CYFIP1: variants seen among roughly 807,000 people sequenced by gnomAD.
CYFIP1 encodes the protein cytoplasmic FMR1-interacting protein 1.
In CYFIP1, 58 loss-of-function variants were observed where a neutral mutation model predicts 163.5. That is an observed-to-expected ratio of 0.35 (90% CI 0.29 to 0.44). CYFIP1 has a LOEUF of 0.44. Among genes scored for constraint, CYFIP1 ranks in the 20% least tolerant of loss-of-function variants. The pLI, the probability that CYFIP1 is intolerant of heterozygous loss-of-function variation, is 1.00. For synonymous variants in CYFIP1, 663 were observed against 660.7 expected (o/e 1.00, Z -0.05); for missense variants, 1,338 against 1,653.8 (o/e 0.81, Z 3.31).
chr15:22,874,737 T>A, intron 27 of CYFIP1, 93 bp from the exon 28 acceptor site: 1 of 779,766 alleles, frequency 1.3e-6, no homozygotes, highest in Non-Finnish European at 1.9e-6. Flanking sequence ...AAAAGATTTT[T>A]AAGTTAACAT....
At chr15:22,883,982 A>C (rs2059859673) in intron 23 of CYFIP1, among the ~76,000 whole-genome samples, 1 of 152,144 alleles carries the variant, frequency 6.6e-6, no homozygotes, top group Admixed American at 6.5e-5. Context: ...GCCCCTTATA[A>C]AACCATCAGA....
Position 22,892,913 on chromosome 15 carries a change from G to A in CYFIP1, c.2653C>T (p.Pro885Ser). The change falls in exon 23 of 31, where the codon CCT becomes TCT. Residue 885 changes from proline (P) to serine (S), a missense_variant. Around this residue, in one of 4 missense-constraint regions of CYFIP1, gnomAD observed 824 missense variants for 995.7 expected, o/e 0.83. Coordinates refer to ENST00000617928, the MANE Select transcript of CYFIP1 (RefSeq NM_014608.6). ...ACCTTGGATCCATGCAGATACTGAG[G>A]CTGTGCATTAGGCTGCTTATCTCTT... ...FQRDKQPNAQ[P>S]QYLHGSKALN... 1 of 1,613,128 alleles carries A rather than the reference G, an allele frequency of 6.2e-7. No homozygotes were observed. The highest frequency in any genetic ancestry group is 8.5e-7 in the Non-Finnish European group (1 of 1,179,122).
Position 22,975,681 on chromosome 15 carries a change from C to G in CYFIP1, c.-7+4606G>C, listed in dbSNP as rs180849659. 1.3e-3 allele frequency among the ~76,000 whole-genome samples: 197 copies of G among 152,250 alleles called. 1 individual carries two copies. Among genetic ancestry groups the G allele is most frequent in the African/African-American group, 4.6e-3 (190 of 41,550 alleles). On this transcript the variant is annotated intron_variant, in intron 1 of 30. Coordinates refer to ENST00000617928, the MANE Select transcript of CYFIP1 (RefSeq NM_014608.6). ...GGCTGAGGCAGGAGAATGGCTTAAA[C>G]CCAGGAGGCAGAGGTTGCAGTGTGC... is the stretch of plus-strand genomic sequence containing the variant.
At chr15:22,883,150 T>A in intron 23 of CYFIP1, 139 bp from the exon 24 acceptor site, 2 of 936,888 alleles carry the variant, frequency 2.1e-6, no homozygotes, top group Non-Finnish European at 3.1e-6. Context: ...CTACTGCCCT[T>A]AACTGGTACA....
In CYFIP1 at chr15:22,867,262, C is replaced by T. The variant is rs1043911444; in HGVS notation, c.*2766G>A. 3.2e-5 allele frequency: 13 copies of T among 400,294 alleles called. No homozygotes were observed. Among genetic ancestry groups the T allele is most frequent in the African/African-American group, 1.6e-4 (8 of 48,594 alleles). 24.8% of individuals were successfully genotyped at this position (400,294 alleles called of 1,614,324 possible). A position where few individuals can be genotyped will look rare whatever the true frequency, so the allele number is the denominator to read the frequency against. ...TTAAAAAAACAGAGTTATCCCAATA[C>T]ATTATCCTGTGATTTACCTTACCTA... is the stretch of plus-strand genomic sequence containing the variant. On this transcript the variant is annotated 3_prime_UTR_variant, in exon 31 of 31. Transcript: ENST00000617928.
chr15:22,873,722 G>A lies in CYFIP1; in HGVS notation c.3218C>T (p.Ala1073Val). 1 of 1,610,846 alleles carries A rather than the reference G, an allele frequency of 6.2e-7. No homozygotes were observed. Among genetic ancestry groups the A allele is most frequent in the Non-Finnish European group, 8.5e-7 (1 of 1,177,616 alleles). The change falls in exon 29 of 31, where the codon GCC becomes GTC. Residue 1073 changes from alanine to valine, a missense_variant. Transcript: ENST00000617928. Reference sequence around the variant, plus strand: ...CAGCAGGTCCCCCTCTCTTGCGATGGCAATTTGCTGCAGAAAGGACAAGCC... The same window carrying A: ...CAGCAGGTCCCCCTCTCTTGCGATGACAATTTGCTGCAGAAAGGACAAGCC... ...IERLGTPQQI[A>V]IAREGDLLTK...
intron 1 of CYFIP1, among the ~76,000 whole-genome samples, chr15:22,973,822 A>C (rs1376776233): frequency 6.6e-6 from 1 of 152,264 alleles, no homozygotes; most frequent in Non-Finnish European, 1.5e-5. Flanking sequence ...TAAGGGATTA[A>C]TAATGAAAAT....
At position 22,980,344 on chromosome 15, in the gene CYFIP1, TGAG is replaced by T. The variant is rs2063444811; in HGVS notation, c.-67_-65del. 3 of 151,040 alleles carry T rather than the reference TGAG, an allele frequency of 2.0e-5. No homozygotes were observed. The highest frequency in any genetic ancestry group is 7.3e-5 in the African/African-American group (3 of 41,058). The allele number at this position is 151,040 out of a possible 1,614,324, so 9.4% of individuals were successfully genotyped here. The stretch of plus-strand genomic sequence containing the variant: ...GGCCCTGGGAGTTTCCTTGGCCGAG[TGAG>T]TCACTCGGGCTGGCCGGGAATGCGC... On this transcript the variant is annotated 5_prime_UTR_variant, in exon 1 of 31. Transcript: ENST00000617928.
At chr15:22,958,982 A>G (rs1012080727) in intron 1 of CYFIP1, among the ~76,000 whole-genome samples, 2 of 152,198 alleles carry the variant, frequency 1.3e-5, no homozygotes, top group African/African-American at 4.8e-5. Flanking sequence ...TCCATCTCCC[A>G]CACCCCTGGG....
chr15:22,959,431 T>C (rs1474966135), intron 1 of CYFIP1, among the ~76,000 whole-genome samples: 2 of 152,204 alleles, frequency 1.3e-5, no homozygotes, highest in African/African-American at 4.8e-5. Flanking sequence ...GGGGTCCCCA[T>C]TCACAGATGC....
intron 26 of CYFIP1, among the ~76,000 whole-genome samples, chr15:22,877,815 C>T (rs1294963634): frequency 2.0e-5 from 3 of 152,220 alleles, no homozygotes; most frequent in Admixed American, 1.3e-4. Context: ...TCTGCCTAGG[C>T]GTGCAGGCAT....
chr15:22,915,934 C>T (rs2060961929), intron 16 of CYFIP1, among the ~76,000 whole-genome samples: 2 of 152,148 alleles, frequency 1.3e-5, no homozygotes, highest in African/African-American at 4.8e-5. Flanking sequence ...GTACTATTTC[C>T]TCCAATACCT....
intron 1 of CYFIP1, among the ~76,000 whole-genome samples, chr15:22,954,774 A>C (rs1209955116): frequency 6.6e-6 from 1 of 152,196 alleles, no homozygotes; most frequent in East Asian, 1.9e-4. Flanking sequence ...CTGTTTTAAT[A>C]AGCCATCAGT....
intron 13 of CYFIP1, among the ~76,000 whole-genome samples, chr15:22,922,012 C>T (rs974151512): frequency 3.3e-5 from 5 of 152,052 alleles, no homozygotes; most frequent in East Asian, 3.9e-4. Context: ...TCTGCACATG[C>T]GAGAGAATCA....
intron 30 of CYFIP1, among the ~76,000 whole-genome samples, chr15:22,872,294 A>C (rs2059455138): frequency 6.3e-5 from 1 of 15,946 alleles, no homozygotes; most frequent in African/African-American, 1.3e-4. Flanking sequence ...AAACTGTCTC[A>C]AAAAAAAAAA....
intron 1 of CYFIP1, among the ~76,000 whole-genome samples, chr15:22,963,858 C>CA: frequency 6.6e-6 from 1 of 152,252 alleles, no homozygotes; most frequent in Admixed American, 6.5e-5. Context: ...ACCATGCCTT[C>CA]ATGAGGACGG....
chr15:22,884,043 C>T (rs1024548509), intron 23 of CYFIP1, among the ~76,000 whole-genome samples: 3 of 152,064 alleles, frequency 2.0e-5, no homozygotes, highest in Admixed American at 6.6e-5. Context: ...GAAAACTGCC[C>T]CCATGAACCA....
intron 1 of CYFIP1, chr15:22,951,423 G>A (rs2062245661): frequency 1.6e-6 from 2 of 1,289,350 alleles, no homozygotes; most frequent in African/African-American, 3.0e-5. Flanking sequence ...TGCCTGCAGA[G>A]CCAGCATGGG....
Position 22,971,432 on chromosome 15 carries a change from G to A in CYFIP1, c.-7+8855C>T, listed in dbSNP as rs1446271179. 5.3e-5 allele frequency among the ~76,000 whole-genome samples: 8 copies of A among 152,272 alleles called. 1 individual carries two copies. The East Asian group carries it at 5.8e-4, about 11-fold the overall frequency. On this transcript the variant is annotated intron_variant, in intron 1 of 30. Transcript: ENST00000617928. ...TCATGCCTGTAATCCCAGCACTTTG[G>A]GAGGCCAAGGCAGGCAGATCGCTTG...
Sources: gnomAD v4.1 joint callset for allele counts (sites outside exome capture counted in the v4.1 genomes callset) on GRCh38, gnomAD v4.1.1 for gene constraint, gnomAD v4.1.1 regional missense constraint, MANE v1.5 for transcripts, NCBI Gene and HGNC (gene_info 2026-07-23, HGNC 2026-07-21) for gene names.